The following UVRAG variants were observed in gnomAD, a reference collection of about 807,000 sequenced individuals.
UVRAG encodes the protein UV radiation resistance associated, also known as UV radiation resistance-associated gene protein.
Under a neutral mutation model 78.0 loss-of-function variants are expected in UVRAG, and 19 were observed. The observed-to-expected ratio is 0.24, with a 90% CI of 0.17 to 0.36. UVRAG has a LOEUF of 0.36. UVRAG is among the 10% of genes least tolerant of loss of function. The pLI is 1.00. For synonymous variants in UVRAG, 323 were observed against 324.6 expected, an observed-to-expected ratio of 1.00 and a Z score of 0.05; for missense variants, 740 against 853.8, an observed-to-expected ratio of 0.87 and a Z score of 1.66.
intron 7 of UVRAG, among the ~76,000 whole-genome samples, chr11:75,977,541 T>G (rs563332962): frequency 1.4e-3 from 220 of 152,276 alleles, no homozygotes; most frequent in African/African-American, 4.9e-3. Flanking sequence ...CTTGCTTTAT[T>G]AATCTGGGTG....
At chr11:76,116,905 G>A (rs758059924) in intron 14 of UVRAG, among the ~76,000 whole-genome samples, 16 of 152,206 alleles carry the variant, frequency 1.1e-4, no homozygotes, top group African/African-American at 1.4e-4. Context: ...TTTTCAAAAC[G>A]GCAAGTTCCA....
At chr11:75,954,024 T>G (rs533205678) in intron 6 of UVRAG, among the ~76,000 whole-genome samples, 1 of 152,340 alleles carries the variant, frequency 6.6e-6, no homozygotes, top group African/African-American at 2.4e-5. Flanking sequence ...CAGTTGTTTC[T>G]TTTTTAGTTA....
intron 12 of UVRAG, among the ~76,000 whole-genome samples, chr11:76,023,598 A>G (rs1591145283): frequency 6.6e-6 from 1 of 152,220 alleles, no homozygotes. Flanking sequence ...GTTAGAACAG[A>G]CACACTTTGT....
At chr11:75,978,599 T>A (rs191036926) in intron 7 of UVRAG, among the ~76,000 whole-genome samples, 46 of 152,308 alleles carry the variant, frequency 3.0e-4, no homozygotes, top group Admixed American at 2.1e-3. Flanking sequence ...ACTTCTCTTC[T>A]AGCTTCATTT....
chr11:75,950,371 C>T (rs185371801), intron 6 of UVRAG, among the ~76,000 whole-genome samples: 1 of 152,290 alleles, frequency 6.6e-6, no homozygotes, highest in African/African-American at 2.4e-5. Context: ...GGGATTCTCC[C>T]TTCAGCCTCC....
intron 12 of UVRAG, among the ~76,000 whole-genome samples, chr11:76,056,190 A>T (rs1190084025): frequency 6.6e-6 from 1 of 152,192 alleles, no homozygotes; most frequent in Non-Finnish European, 1.5e-5. Context: ...GTAAGCATGC[A>T]GTATGAACTT....
intron 14 of UVRAG, among the ~76,000 whole-genome samples, chr11:76,117,774 C>T (rs993585287): frequency 6.6e-6 from 1 of 152,282 alleles, no homozygotes; most frequent in South Asian, 2.1e-4. Flanking sequence ...GCCAAGAATA[C>T]CCAGTTGCTA....
intron 12 of UVRAG, among the ~76,000 whole-genome samples, chr11:76,021,106 G>A (rs1950238649): frequency 6.6e-6 from 1 of 152,110 alleles, no homozygotes; most frequent in African/African-American, 2.4e-5. Flanking sequence ...GGAAGGGGCG[G>A]CGTCAGCAAT....
In UVRAG at chr11:76,113,526, A is replaced by G. The variant is rs185245547; in HGVS notation, c.1306-2398A>G. On this transcript the variant is annotated intron_variant, in intron 13 of 14. Transcript: ENST00000356136. ...CAGAGTTTGGGGTAGATAGTAGAGC[A>G]GAGAACTGCTTTTTTTTTCATTATA... Among the ~76,000 whole-genome samples the G allele has an allele frequency of 5.9e-4, 87 of 148,692 alleles. 1 individual carries two copies. Among genetic ancestry groups the G allele is most frequent in the African/African-American group, 2.3e-3 (86 of 38,150 alleles).
chr11:75,994,084 C>G (rs539347022), intron 8 of UVRAG, among the ~76,000 whole-genome samples: 1 of 152,148 alleles, frequency 6.6e-6, no homozygotes, highest in African/African-American at 2.4e-5. Flanking sequence ...ACATTTCACA[C>G]AAGATTTGGA....
intron 12 of UVRAG, among the ~76,000 whole-genome samples, chr11:76,047,441 A>G (rs1950780686): frequency 1.3e-5 from 2 of 152,166 alleles, no homozygotes; most frequent in African/African-American, 2.4e-5. Flanking sequence ...TCCCTGCCCT[A>G]TCACCCAGAC....
At chr11:76,005,548 C>T (rs894048345) in intron 9 of UVRAG, among the ~76,000 whole-genome samples, 1 of 152,198 alleles carries the variant, frequency 6.6e-6, no homozygotes, top group Non-Finnish European at 1.5e-5. Flanking sequence ...CCACTCAATA[C>T]AACACTTTTA....
chr11:75,990,732 T>A (rs777328635), intron 8 of UVRAG, among the ~76,000 whole-genome samples: 4 of 152,230 alleles, frequency 2.6e-5, no homozygotes, highest in Non-Finnish European at 5.9e-5. Flanking sequence ...AGGTTAAATG[T>A]ACTACTGTGT....
intron 11 of UVRAG, among the ~76,000 whole-genome samples, chr11:76,016,356 C>G (rs945110394): frequency 2.0e-5 from 3 of 152,066 alleles, no homozygotes; most frequent in Non-Finnish European, 4.4e-5. Flanking sequence ...TTTCATTTCC[C>G]TTTAGAATTA....
At chr11:75,899,358 T>C (rs1330355476) in intron 5 of UVRAG, among the ~76,000 whole-genome samples, 1 of 152,160 alleles carries the variant, frequency 6.6e-6, no homozygotes, top group African/African-American at 2.4e-5. Flanking sequence ...AATACAGAGC[T>C]TTAAAAAAAC....
chr11:75,877,342 C>T (rs1946812186), intron 3 of UVRAG, among the ~76,000 whole-genome samples: 1 of 152,198 alleles, frequency 6.6e-6, no homozygotes, highest in Non-Finnish European at 1.5e-5. Context: ...GTCATCATGG[C>T]CCGTTCTCAA....
chr11:75,966,831 C>T (rs1949033357), intron 7 of UVRAG, among the ~76,000 whole-genome samples: 1 of 152,138 alleles, frequency 6.6e-6, no homozygotes, highest in African/African-American at 2.4e-5. Context: ...CAGTGTAGTT[C>T]TTTTACTCTT....
intron 12 of UVRAG, among the ~76,000 whole-genome samples, chr11:76,020,649 CTTTTTTTTTTTT>C (rs35112254): frequency 9.9e-4 from 52 of 52,288 alleles, no homozygotes; most frequent in African/African-American, 3.1e-3. Flanking sequence ...AAGAAGGAGT[CTTTTTTTTTTTT>C]TTTTTTTTTT....
intron 10 of UVRAG, 26 bp downstream of exon 10, chr11:76,007,647 T>G: frequency 6.3e-7 from 1 of 1,588,880 alleles, no homozygotes; most frequent in South Asian, 1.1e-5. Context: ...TCTGAAAATA[T>G]TTTTCGTTTT....
Sources: allele counts gnomAD v4.1 joint callset (sites outside exome capture counted in the v4.1 genomes callset), GRCh38; gene constraint gnomAD v4.1.1; transcripts MANE v1.5; gene names NCBI Gene and HGNC (gene_info 2026-07-23, HGNC 2026-07-21).